Variants in COL11A1 observed in about 807,000 individuals in gnomAD.
COL11A1 encodes the protein collagen type XI alpha 1 chain.
In COL11A1, 74 loss-of-function variants were observed where a neutral mutation model predicts 265.2. The ratio of observed to expected loss-of-function variants is 0.28; its 90% CI spans 0.23 to 0.34. COL11A1 has a LOEUF of 0.34. Ranked by LOEUF, COL11A1 falls within the 10% of genes least tolerant of loss-of-function variation. The probability of loss-of-function intolerance (pLI) is 1.00; values close to 1 mark genes in which losing one functional copy is unlikely to be tolerated. For missense variants in COL11A1, 2,165 were observed against 2,263.6 expected (o/e 0.96, Z 0.88); for synonymous variants, 816 against 727.6 (o/e 1.12, Z -1.96).
At chr1:102,929,639 G>A (rs1311941569) in intron 46 of COL11A1, among the ~76,000 whole-genome samples, 1 of 152,048 alleles carries the variant, frequency 6.6e-6, no homozygotes, top group Admixed American at 6.6e-5. Flanking sequence ...AAAGGCATTG[G>A]TAGCTTGATG....
intron 41 of COL11A1, among the ~76,000 whole-genome samples, chr1:102,956,556 T>G (rs969963943): frequency 6.6e-6 from 1 of 152,170 alleles, no homozygotes; most frequent in Admixed American, 6.5e-5. Context: ...AAATAACTTT[T>G]TATTGAAGTA....
chr1:103,086,632 G>C (rs1017758173), intron 1 of COL11A1, among the ~76,000 whole-genome samples: 1 of 152,040 alleles, frequency 6.6e-6, no homozygotes, highest in African/African-American at 2.4e-5. Context: ...TAGCCAGGAT[G>C]GTCTTGATCT....
intron 28 of COL11A1, among the ~76,000 whole-genome samples, chr1:102,994,292 G>T (rs560287740): frequency 2.0e-5 from 3 of 152,102 alleles, no homozygotes; most frequent in Non-Finnish European, 2.9e-5. Flanking sequence ...GGGACCTGGT[G>T]GGGGGTGATA....
chr1:103,019,789 C>T (rs1666860943), intron 9 of COL11A1, among the ~76,000 whole-genome samples: 1 of 139,692 alleles, frequency 7.2e-6, no homozygotes. Context: ...CTTCCTGTGT[C>T]CATGTGATCT....
intron 4 of COL11A1, among the ~76,000 whole-genome samples, chr1:103,061,026 A>G (rs1470387819): frequency 6.6e-6 from 1 of 152,168 alleles, no homozygotes; most frequent in East Asian, 1.9e-4. Flanking sequence ...CACACTTTAA[A>G]TATAAAAACA....
intron 18 of COL11A1, among the ~76,000 whole-genome samples, chr1:103,005,476 A>G (rs975755359): frequency 2.0e-5 from 3 of 152,276 alleles, no homozygotes; most frequent in African/African-American, 2.4e-5. Flanking sequence ...TCTTTTGAGT[A>G]TATGTCCACA....
chr1:102,968,380 T>C (rs1333848772), intron 37 of COL11A1, among the ~76,000 whole-genome samples: 1 of 152,152 alleles, frequency 6.6e-6, no homozygotes, highest in Non-Finnish European at 1.5e-5. Flanking sequence ...CAAATTTGGG[T>C]CATTTCAATA....
At chr1:102,967,826 G>T (rs1232543066) in intron 37 of COL11A1, among the ~76,000 whole-genome samples, 1 of 152,006 alleles carries the variant, frequency 6.6e-6, no homozygotes, top group African/African-American at 2.4e-5. Context: ...CTAACTGTGA[G>T]AGCAAGAATC....
At chr1:102,884,737 A>C (rs1308083602) in intron 63 of COL11A1, among the ~76,000 whole-genome samples, 4 of 152,200 alleles carry the variant, frequency 2.6e-5, no homozygotes, top group Non-Finnish European at 4.4e-5. Context: ...TGCAAACCTC[A>C]GAAGCATGCC....
At position 102,915,828 on chromosome 1, in the gene COL11A1, T is replaced by C. The variant is rs182405746; in HGVS notation, c.3763-144A>G. On this transcript the variant is annotated intron_variant, in intron 49 of 66. Coordinates refer to ENST00000370096, the MANE Select transcript of COL11A1 (RefSeq NM_001854.4). The stretch of plus-strand genomic sequence containing the variant: ...CATTGAAAAACTTTAATAACAAAAA[T>C]AAATTTTTCTATCAGTGACTCCAGT... 814 of 665,466 alleles carry C rather than the reference T, an allele frequency of 1.2e-3. 1 individual carries two copies. Among genetic ancestry groups the C allele is most frequent in the Non-Finnish European group, 1.7e-3 (674 of 393,172 alleles). The allele number at this position is 665,466 out of a possible 1,614,324, so 41.2% of individuals were successfully genotyped here. A position where few individuals can be genotyped will look rare whatever the true frequency, so the allele number is the denominator to read the frequency against.
chr1:102,904,751 A>T (rs1185126370), intron 54 of COL11A1, among the ~76,000 whole-genome samples: 1 of 152,090 alleles, frequency 6.6e-6, no homozygotes, highest in African/African-American at 2.4e-5. Flanking sequence ...ATGTGGAGAA[A>T]TAGGAACACT....
rs768047186 is a variant in COL11A1 at position 102,911,778 on chromosome 1, A to G, written c.4086+381T>C. Among the ~76,000 whole-genome samples the G allele has an allele frequency of 1.9e-4, 29 of 152,180 alleles. 1 individual carries two copies. Among genetic ancestry groups the G allele is most frequent in the South Asian group, 4.1e-4 (2 of 4,836 alleles). On this transcript the variant is annotated intron_variant, in intron 54 of 66. Transcript: ENST00000370096. ...TCATTTCACCTCATTTCATTGATGC[A>G]TTCATGTTTTTACAATGTTTTAAGC...
intron 32 of COL11A1, 61 bp downstream of exon 32, chr1:102,979,321 A>G: frequency 1.5e-6 from 2 of 1,362,766 alleles, no homozygotes; most frequent in Non-Finnish European, 2.1e-6. Flanking sequence ...ACAGGCACAC[A>G]CCACTATGTC....
intron 4 of COL11A1, among the ~76,000 whole-genome samples, chr1:103,060,139 G>A (rs111559712): frequency 0.035 from 5,267 of 152,120 alleles, 330 homozygotes; most frequent in African/African-American, 0.12. Flanking sequence ...ACCTATACAA[G>A]CGAAGATAAG....
intron 54 of COL11A1, among the ~76,000 whole-genome samples, chr1:102,906,580 A>T (rs978685662): frequency 3.6e-4 from 54 of 151,862 alleles, no homozygotes; most frequent in African/African-American, 1.3e-3. Context: ...GGTAATTTTT[A>T]AAAGTTTCTG....
At chr1:102,909,538 TTTA>T (rs1335900847) in intron 54 of COL11A1, among the ~76,000 whole-genome samples, 3 of 152,118 alleles carry the variant, frequency 2.0e-5, no homozygotes, top group Non-Finnish European at 1.5e-5. Flanking sequence ...ACTACTATAT[TTTA>T]TTATAACTGA....
At chr1:103,107,340 A>C (rs1422551701) in intron 1 of COL11A1, among the ~76,000 whole-genome samples, 1 of 146,998 alleles carries the variant, frequency 6.8e-6, no homozygotes, top group Admixed American at 6.8e-5. Flanking sequence ...GACTTTCATC[A>C]TTCTCCAAGA....
chr1:103,028,099 C>G (rs1244710595), intron 5 of COL11A1, among the ~76,000 whole-genome samples: 1 of 152,048 alleles, frequency 6.6e-6, no homozygotes, highest in Non-Finnish European at 1.5e-5. Context: ...GGCATGATCT[C>G]GGCTCACTGC....
intron 54 of COL11A1, among the ~76,000 whole-genome samples, chr1:102,901,666 T>C (rs1396898262): frequency 6.6e-6 from 1 of 152,168 alleles, no homozygotes; most frequent in Non-Finnish European, 1.5e-5. Context: ...AAATACCTCA[T>C]AAAAACATAA....
Sources: allele counts gnomAD v4.1 joint callset (sites outside exome capture counted in the v4.1 genomes callset), GRCh38; gene constraint gnomAD v4.1.1; transcripts MANE v1.5; gene names NCBI Gene and HGNC (gene_info 2026-07-23, HGNC 2026-07-21).